The following EXOC6B variants were observed in gnomAD, a reference collection of about 807,000 sequenced individuals.
EXOC6B encodes the protein SEC15 homolog B.
EXOC6B carries 54 observed loss-of-function variants against 113.5 expected under a neutral mutation model. That is an observed-to-expected ratio of 0.48 (90% CI 0.38 to 0.60). The LOEUF is 0.60. EXOC6B is among the 20% of genes least tolerant of loss of function. The pLI is 0.00. For missense variants in EXOC6B, 797 were observed against 977.5 expected, an observed-to-expected ratio of 0.82 and a Z score of 2.46; for synonymous variants, 357 against 339.0, an observed-to-expected ratio of 1.05 and a Z score of -0.58.
intron 6 of EXOC6B, among the ~76,000 whole-genome samples, chr2:72,613,720 T>C (rs1558845220): frequency 1.3e-5 from 2 of 151,836 alleles, no homozygotes. Flanking sequence ...GACACTTGAA[T>C]TTCATATGTA....
intron 18 of EXOC6B, among the ~76,000 whole-genome samples, chr2:72,407,135 G>A (rs372578472): frequency 3.9e-5 from 6 of 152,036 alleles, no homozygotes; most frequent in Non-Finnish European, 7.3e-5. Flanking sequence ...TAAATTCCTC[G>A]ACACATACAC....
At chr2:72,745,733 C>T (rs533930753) in intron 1 of EXOC6B, among the ~76,000 whole-genome samples, 19 of 152,160 alleles carry the variant, frequency 1.2e-4, no homozygotes, top group Non-Finnish European at 2.6e-4. Context: ...TGACTGATCA[C>T]TACCTAACAG....
At chr2:72,329,545 TA>T (rs1163474273) in intron 20 of EXOC6B, among the ~76,000 whole-genome samples, 1 of 152,058 alleles carries the variant, frequency 6.6e-6, no homozygotes, top group Non-Finnish European at 1.5e-5. Context: ...AAAATACAAA[TA>T]ATTATTAAAG....
At chr2:72,745,022 T>C (rs1034225075) in intron 1 of EXOC6B, among the ~76,000 whole-genome samples, 13 of 152,126 alleles carry the variant, frequency 8.5e-5, no homozygotes, top group South Asian at 2.1e-4. Context: ...ATCTAGAAAA[T>C]AGGAAGCAAT....
At chr2:72,399,368 A>T (rs546715880) in intron 18 of EXOC6B, among the ~76,000 whole-genome samples, 1 of 152,280 alleles carries the variant, frequency 6.6e-6, no homozygotes, top group African/African-American at 2.4e-5. Flanking sequence ...GCCTACTTTC[A>T]CCACTCCTAT....
chr2:72,554,667 T>C (rs1304880819), intron 8 of EXOC6B, among the ~76,000 whole-genome samples: 1 of 152,230 alleles, frequency 6.6e-6, no homozygotes, highest in East Asian at 1.9e-4. Context: ...ACCTCTTTTC[T>C]TTATAATTAC....
chr2:72,818,099 G>A (rs1229985270), intron 1 of EXOC6B, among the ~76,000 whole-genome samples: 1 of 152,072 alleles, frequency 6.6e-6, no homozygotes, highest in African/African-American at 2.4e-5. Context: ...AGCCTCCTGA[G>A]TAGCTGGGAT....
At chr2:72,661,549 G>A (rs1675018573) in intron 6 of EXOC6B, among the ~76,000 whole-genome samples, 1 of 151,948 alleles carries the variant, frequency 6.6e-6, no homozygotes, top group African/African-American at 2.4e-5. Context: ...TAATTGATAT[G>A]AATCTAACAA....
chr2:72,636,018 A>AGTAGGATTACTT (rs1672790963), intron 6 of EXOC6B, among the ~76,000 whole-genome samples: 1 of 152,168 alleles, frequency 6.6e-6, no homozygotes, highest in Non-Finnish European at 1.5e-5. Context: ...GAAGTTCAAG[A>AGTAGGATTACTT]AAAGCCTAAG....
intron 19 of EXOC6B, among the ~76,000 whole-genome samples, chr2:72,341,906 T>C (rs1042206636): frequency 1.3e-5 from 2 of 152,090 alleles, no homozygotes; most frequent in Non-Finnish European, 2.9e-5. Context: ...TTTCTGAGCA[T>C]AATGGTATAT....
At chr2:72,817,585 C>G (rs1159538690) in intron 1 of EXOC6B, among the ~76,000 whole-genome samples, 1 of 151,338 alleles carries the variant, frequency 6.6e-6, no homozygotes, top group Non-Finnish European at 1.5e-5. Context: ...ATCCCTTCCC[C>G]CCTTGAACAG....
chr2:72,717,937 AAAATGAAAACATTTT>A (rs1679732075), intron 6 of EXOC6B, among the ~76,000 whole-genome samples, 151 bp downstream of exon 6: 2 of 152,218 alleles, frequency 1.3e-5, no homozygotes, highest in African/African-American at 4.8e-5. Context: ...CTCTGTTAAA[AAAATGAAAACATTTT>A]TAATCATATG....
At position 72,233,582 on chromosome 2, in the gene EXOC6B, C is replaced by A. The variant is rs111727572; in HGVS notation, c.2197-49395G>T. On this transcript the variant is annotated intron_variant, in intron 20 of 21. Coordinates refer to ENST00000272427, the MANE Select transcript of EXOC6B (RefSeq NM_015189.3). ...CTTCTAGACTGAGGCAGAGAGCCAG[C>A]TGGATATTCTGTGGGGGCAACTCTT... Among the ~76,000 whole-genome samples the A allele has an allele frequency of 6.0e-3, 921 of 152,292 alleles. 11 individuals are homozygous for A. Among genetic ancestry groups the A allele is most frequent in the African/African-American group, 0.021 (862 of 41,564 alleles).
intron 18 of EXOC6B, among the ~76,000 whole-genome samples, chr2:72,397,661 T>TAAAATAAAATAAAATAAAAAAAA (rs1558625759): frequency 4.0e-4 from 41 of 102,098 alleles, no homozygotes; most frequent in African/African-American, 3.2e-3. Context: ...AAAATAAAAT[T>TAAAATAAAATAAAATAAAAAAAA]ATATATATAT....
At chr2:72,694,843 A>G (rs1310769726) in intron 6 of EXOC6B, among the ~76,000 whole-genome samples, 2 of 152,172 alleles carry the variant, frequency 1.3e-5, no homozygotes, top group Admixed American at 6.5e-5. Flanking sequence ...TCTGTATGTC[A>G]TTTGGCAGAT....
chr2:72,291,901 A>G (rs1168645560), intron 20 of EXOC6B, among the ~76,000 whole-genome samples: 2 of 152,210 alleles, frequency 1.3e-5, no homozygotes, highest in African/African-American at 4.8e-5. Context: ...AAAAGTCTAA[A>G]ACGGATGGTT....
At chr2:72,348,853 T>G (rs1475077993) in intron 19 of EXOC6B, among the ~76,000 whole-genome samples, 1 of 151,886 alleles carries the variant, frequency 6.6e-6, no homozygotes, top group Non-Finnish European at 1.5e-5. Flanking sequence ...AGTCAGAAAA[T>G]TATAAAGGTA....
intron 8 of EXOC6B, among the ~76,000 whole-genome samples, chr2:72,518,797 A>G (rs1038873758): frequency 5.9e-5 from 9 of 152,194 alleles, no homozygotes; most frequent in African/African-American, 2.2e-4. Context: ...TGTAGCGACC[A>G]TAAGAGTTTT....
Position 72,178,699 on chromosome 2 carries a change from T to A in EXOC6B, c.*636A>T, listed in dbSNP as rs887627489. 6.6e-6 allele frequency: 1 copy of A among 152,104 alleles called. No individual in the cohort carries two copies. Among genetic ancestry groups the A allele is most frequent in the Non-Finnish European group, 1.5e-5 (1 of 68,036 alleles). 9.4% of individuals were successfully genotyped at this position (152,104 alleles called of 1,614,324 possible). On this transcript the variant is annotated 3_prime_UTR_variant, in exon 22 of 22. Coordinates refer to ENST00000272427, the MANE Select transcript of EXOC6B (RefSeq NM_015189.3). ...TAGCTGTATCCTGCCCTAGAAAAAA[T>A]TGCAATAAAAGCCTGGGGTTAGATC...
Sources: allele counts gnomAD v4.1 joint callset (sites outside exome capture counted in the v4.1 genomes callset), GRCh38; gene constraint gnomAD v4.1.1; transcripts MANE v1.5; gene names NCBI Gene and HGNC (gene_info 2026-07-23, HGNC 2026-07-21).